The following DLGAP2 variants were observed in gnomAD, a reference collection of about 807,000 sequenced individuals.
The protein encoded by DLGAP2 is disks large-associated protein 2.
Under a neutral mutation model 100.3 loss-of-function variants are expected in DLGAP2, and 26 were observed. The observed-to-expected ratio is 0.26, with a 90% confidence interval of 0.19 to 0.36. The LOEUF is 0.36. Ranked by LOEUF, DLGAP2 falls within the 10% of genes least tolerant of loss-of-function variation. The probability of loss-of-function intolerance (pLI) is 1.00; values close to 1 mark genes in which losing one functional copy is unlikely to be tolerated. For synonymous variants in DLGAP2, 886 were observed against 630.1 expected (o/e 1.41, Z -6.08); for missense variants, 1,858 against 1,453.2 (o/e 1.28, Z -4.53).
rs1563274388 is a variant in DLGAP2 at position 1,241,128 on chromosome 8, C to CGTGTCTGGTTCTCTCGCATGGCGCT, written c.74-17717_74-17716insGGTTCTCTCGCATGGCGCTGTGTCT. Among the ~76,000 whole-genome samples, 1,115 of 122,898 alleles carry CGTGTCTGGTTCTCTCGCATGGCGCT rather than the reference C, an allele frequency of 9.1e-3. 52 individuals carry two copies. The highest frequency in any genetic ancestry group is 0.033 in the African/African-American group (1,047 of 31,496). The allele number at this position is 122,898 out of a possible 152,430, so 80.6% of individuals were successfully genotyped here. The stretch of plus-strand genomic sequence containing the variant: ...CGTGTCTGGTTCTCTCGCATGGCGC[C>CGTGTCTGGTTCTCTCGCATGGCGCT]GTGTCTAGTTCTCTCACGTGGTGCC... On this transcript the variant is annotated intron_variant, in intron 2 of 14. Coordinates refer to ENST00000637795, the MANE Select transcript of DLGAP2 (RefSeq NM_001346810.2).
At chr8:921,386 T>C (rs1230729380) in intron 2 of DLGAP2, among the ~76,000 whole-genome samples, 2 of 152,176 alleles carry the variant, frequency 1.3e-5, no homozygotes, top group Non-Finnish European at 2.9e-5. Context: ...GTTGCAGTGT[T>C]GAGTGGGGAT....
At chr8:1,186,592 G>A (rs975314991) in intron 2 of DLGAP2, among the ~76,000 whole-genome samples, 1 of 152,162 alleles carries the variant, frequency 6.6e-6, no homozygotes, top group Non-Finnish European at 1.5e-5. Flanking sequence ...TGTCATGGAG[G>A]TGGGGGGTGC....
chr8:1,527,110 C>T (rs895009466), intron 4 of DLGAP2, among the ~76,000 whole-genome samples: 4 of 152,338 alleles, frequency 2.6e-5, no homozygotes, highest in African/African-American at 7.2e-5. Context: ...AGCTTCACAT[C>T]GTCTACACCG....
At chr8:1,179,644 T>C (rs1330479190) in intron 2 of DLGAP2, among the ~76,000 whole-genome samples, 1 of 152,238 alleles carries the variant, frequency 6.6e-6, no homozygotes, top group African/African-American at 2.4e-5. Context: ...TGTTTTTCTA[T>C]GTGTATTGCA....
chr8:1,029,222 C>T (rs1801904094), intron 2 of DLGAP2, among the ~76,000 whole-genome samples: 1 of 152,138 alleles, frequency 6.6e-6, no homozygotes, highest in Non-Finnish European at 1.5e-5. Flanking sequence ...ACTGGAACCG[C>T]TTGGGAAAGA....
At chr8:966,478 A>C (rs1029907515) in intron 2 of DLGAP2, among the ~76,000 whole-genome samples, 1 of 152,248 alleles carries the variant, frequency 6.6e-6, no homozygotes, top group African/African-American at 2.4e-5. Context: ...TTGAGTTAGT[A>C]ACTCTAAATA....
At chr8:1,230,904 C>G (rs1465992847) in intron 2 of DLGAP2, among the ~76,000 whole-genome samples, 1 of 151,890 alleles carries the variant, frequency 6.6e-6, no homozygotes, top group Non-Finnish European at 1.5e-5. Context: ...TTCAAGAATC[C>G]TAAGAAAAAA....
intron 2 of DLGAP2, among the ~76,000 whole-genome samples, chr8:1,253,210 G>A (rs888835639): frequency 2.6e-5 from 4 of 152,214 alleles, no homozygotes. Context: ...TCGTCCTGAG[G>A]AGCTCCAGCC....
intron 3 of DLGAP2, among the ~76,000 whole-genome samples, chr8:1,372,994 G>T (rs1802282937): frequency 6.6e-6 from 1 of 152,212 alleles, no homozygotes; most frequent in African/African-American, 2.4e-5. Flanking sequence ...ACCTATGCAA[G>T]ATGACAGTTT....
At chr8:1,053,702 G>T (rs765835391) in intron 2 of DLGAP2, among the ~76,000 whole-genome samples, 2 of 152,118 alleles carry the variant, frequency 1.3e-5, no homozygotes, top group Non-Finnish European at 2.9e-5. Context: ...TGACATATTG[G>T]GTGCTAGCAG....
chr8:1,667,332 A>G (rs901756535), intron 8 of DLGAP2, among the ~76,000 whole-genome samples: 2 of 152,076 alleles, frequency 1.3e-5, no homozygotes, highest in African/African-American at 4.8e-5. Context: ...GGATGCATTT[A>G]TTTTGCTTTG....
intron 2 of DLGAP2, among the ~76,000 whole-genome samples, chr8:969,542 G>GA (rs60402271): frequency 0.23 from 32,841 of 141,786 alleles, 4,382 homozygotes; most frequent in Non-Finnish European, 0.31. Flanking sequence ...GTGCCAGTTA[G>GA]AAAAAAAAAA....
At chr8:1,224,654 C>G (rs1292725420) in intron 2 of DLGAP2, among the ~76,000 whole-genome samples, 2 of 152,080 alleles carry the variant, frequency 1.3e-5, no homozygotes, top group African/African-American at 2.4e-5. Flanking sequence ...TACTAAAATC[C>G]AGAATGAAAA....
intron 1 of DLGAP2, among the ~76,000 whole-genome samples, chr8:768,569 C>G (rs561493761): frequency 1.3e-5 from 2 of 151,706 alleles, no homozygotes; most frequent in East Asian, 1.9e-4. Flanking sequence ...GGACTACAGG[C>G]GCTTGCCACC....
At chr8:1,085,000 C>G (rs1803928459) in intron 2 of DLGAP2, among the ~76,000 whole-genome samples, 1 of 152,192 alleles carries the variant, frequency 6.6e-6, no homozygotes, top group South Asian at 2.1e-4. Context: ...GAACAGGGTT[C>G]CCATTTCTCC....
intron 4 of DLGAP2, among the ~76,000 whole-genome samples, chr8:1,517,665 C>G (rs1316528948): frequency 6.6e-6 from 1 of 152,200 alleles, no homozygotes; most frequent in African/African-American, 2.4e-5. Context: ...AAGGGCCTCC[C>G]GTTTCTGGCT....
chr8:788,555 C>T (rs1038967463), intron 1 of DLGAP2, among the ~76,000 whole-genome samples: 3 of 152,202 alleles, frequency 2.0e-5, no homozygotes, highest in African/African-American at 7.2e-5. Context: ...AAGATAGTAG[C>T]CATTTACAAA....
chr8:1,022,096 C>T (rs963736614), intron 2 of DLGAP2, among the ~76,000 whole-genome samples: 4 of 152,298 alleles, frequency 2.6e-5, no homozygotes, highest in Admixed American at 2.6e-4. Flanking sequence ...TGCAGAGAAG[C>T]CCAGACAGCA....
chr8:1,596,512 T>C (rs564264875), intron 6 of DLGAP2, among the ~76,000 whole-genome samples: 7 of 152,152 alleles, frequency 4.6e-5, no homozygotes, highest in Admixed American at 2.6e-4. Flanking sequence ...GTTCCTATTT[T>C]TCCTTATCAT....
Sources: gnomAD v4.1 joint callset for allele counts (sites outside exome capture counted in the v4.1 genomes callset) on GRCh38, gnomAD v4.1.1 for gene constraint, MANE v1.5 for transcripts, NCBI Gene and HGNC (gene_info 2026-07-23, HGNC 2026-07-21) for gene names.